RIGI: variants seen among roughly 807,000 people sequenced by gnomAD.
RIGI encodes RNA sensor RIG-I.
chr9:32,469,562 T>G, the RIGI span, among the ~76,000 whole-genome samples: 1 of 152,340 alleles, frequency 6.6e-6, no homozygotes, highest in African/African-American at 2.4e-5. Flanking sequence ...GCGGGTTCTA[T>G]GGTAGACCCA....
chr9:32,479,511 A>T, the RIGI span, among the ~76,000 whole-genome samples: 3 of 152,102 alleles, frequency 2.0e-5, no homozygotes, highest in African/African-American at 7.2e-5. Context: ...AGGCAGTGAG[A>T]TTATGTGCCA....
chr9:32,488,551 G>T, the RIGI span, among the ~76,000 whole-genome samples: 3 of 152,130 alleles, frequency 2.0e-5, no homozygotes, highest in Admixed American at 1.3e-4. Context: ...GCAAACCAGG[G>T]GAGTTTAAGT....
the RIGI span, among the ~76,000 whole-genome samples, chr9:32,490,380 TAAC>T: frequency 4.6e-5 from 7 of 151,372 alleles, no homozygotes; most frequent in South Asian, 2.1e-4. Flanking sequence ...CAAAAAACAA[TAAC>T]AACAACAACA....
the RIGI span, among the ~76,000 whole-genome samples, chr9:32,525,446 A>G: frequency 1.3e-5 from 2 of 152,324 alleles, no homozygotes; most frequent in African/African-American, 4.8e-5. Flanking sequence ...CATCTCCAGC[A>G]CAAAGTAATT....
the RIGI span, among the ~76,000 whole-genome samples, chr9:32,457,689 A>G: frequency 1.2e-4 from 19 of 152,298 alleles, no homozygotes; most frequent in South Asian, 2.7e-3. Context: ...GTTCCAGGTA[A>G]CCCAGCTTCT....
At chr9:32,519,336 G>C in the RIGI span, among the ~76,000 whole-genome samples, 1 of 152,060 alleles carries the variant, frequency 6.6e-6, no homozygotes, top group South Asian at 2.1e-4. Context: ...TGCATTTCCA[G>C]TATCTCATCA....
chr9:32,508,352 G>A, the RIGI span, among the ~76,000 whole-genome samples: 1 of 149,154 alleles, frequency 6.7e-6, no homozygotes, highest in Non-Finnish European at 1.5e-5. Flanking sequence ...CTCACAGAGA[G>A]ATCAACACAG....
the RIGI span, among the ~76,000 whole-genome samples, chr9:32,482,941 A>G: frequency 2.6e-5 from 4 of 152,124 alleles, no homozygotes; most frequent in South Asian, 2.1e-4. Context: ...TGTTCTCCAG[A>G]GCAGCATTCT....
the RIGI span, chr9:32,485,553 T>TTTG: frequency 3.4e-5 from 16 of 470,834 alleles, no homozygotes; most frequent in African/African-American, 3.4e-4. Context: ...TTTTTTTTTT[T>TTTG]TGATTGAGAC....
the RIGI span, chr9:32,487,409 T>C: frequency 1.3e-6 from 2 of 1,509,066 alleles, no homozygotes; most frequent in Non-Finnish European, 1.8e-6. Context: ...TCTAGATGGC[T>C]CTGAACTAGA....
At chr9:32,516,866 G>A in the RIGI span, among the ~76,000 whole-genome samples, 83,836 of 152,040 alleles carry the variant, frequency 0.55, 23,699 homozygotes, top group Middle Eastern at 0.68. Flanking sequence ...AATAAAGCCC[G>A]ATTGAGAGAG....
the RIGI span, chr9:32,485,480 T>G: frequency 1.5e-6 from 1 of 652,544 alleles, no homozygotes; most frequent in Non-Finnish European, 2.7e-6. Flanking sequence ...CCCTGTTGCT[T>G]CTTGTACTGA....
At chr9:32,456,324 G>C in the RIGI span, 7 of 152,070 alleles carry the variant, frequency 4.6e-5, no homozygotes, top group Admixed American at 6.5e-5. Context: ...CCACTGTAGA[G>C]TGGATACACA....
At chr9:32,516,331 T>A in the RIGI span, among the ~76,000 whole-genome samples, 1 of 152,340 alleles carries the variant, frequency 6.6e-6, no homozygotes, top group Non-Finnish European at 1.5e-5. Context: ...ATTAAAGGCT[T>A]CTTCCCTGGC....
the RIGI span, among the ~76,000 whole-genome samples, chr9:32,506,710 G>C: frequency 2.0e-5 from 3 of 151,828 alleles, no homozygotes; most frequent in Non-Finnish European, 4.4e-5. Context: ...TTTATTTTAC[G>C]TATCTATTGC....
At chr9:32,457,064 T>G in the RIGI span, 2 of 1,357,100 alleles carry the variant, frequency 1.5e-6, no homozygotes, top group South Asian at 1.3e-5. Context: ...CCACTATGTT[T>G]GTTTCTTCTC....
the RIGI span, among the ~76,000 whole-genome samples, chr9:32,515,341 C>G: frequency 7.0e-6 from 1 of 142,890 alleles, no homozygotes. Flanking sequence ...AAAAGCCACA[C>G]GTTTGTTTTT....
chr9:32,497,713 CTCCA>C, the RIGI span, among the ~76,000 whole-genome samples: 1 of 152,184 alleles, frequency 6.6e-6, no homozygotes, highest in African/African-American at 2.4e-5. Flanking sequence ...CGCCACTGCA[CTCCA>C]TCCAGCCTGG....
the RIGI span, chr9:32,485,494 T>A: frequency 3.4e-6 from 2 of 594,664 alleles, no homozygotes; most frequent in East Asian, 3.3e-5. Flanking sequence ...GTACTGATTC[T>A]AACACCTGTC....
Sources: gnomAD v4.1 joint callset for allele counts (sites outside exome capture counted in the v4.1 genomes callset) on GRCh38, gnomAD v4.1.1 for gene constraint, MANE v1.5 for transcripts, NCBI Gene and HGNC (gene_info 2026-07-23, HGNC 2026-07-21) for gene names.